DUSP10: variants seen among roughly 807,000 people sequenced by gnomAD.
The protein encoded by DUSP10 is dual specificity phosphatase 10, also known as dual specificity protein phosphatase 10.
Under a neutral mutation model 30.8 loss-of-function variants are expected in DUSP10, and 14 were observed. The ratio of observed to expected loss-of-function variants is 0.46; its 90% CI spans 0.30 to 0.71. The LOEUF is 0.71. Ranked by LOEUF, DUSP10 falls within the 30% of genes least tolerant of loss-of-function variation. The pLI is 0.08. For missense variants in DUSP10, 550 were observed against 619.4 expected (o/e 0.89, Z 1.19); for synonymous variants, 254 against 250.4 (o/e 1.01, Z -0.14).
intron 3 of DUSP10, 112 bp downstream of exon 3, chr1:221,705,983 C>A (rs1660747107): frequency 6.8e-7 from 1 of 1,459,934 alleles, no homozygotes; most frequent in South Asian, 1.4e-5. Context: ...TCCAAAACTC[C>A]AGGGCAGCTT....
chr1:221,711,043 A>C (rs1660920354), intron 2 of DUSP10, among the ~76,000 whole-genome samples: 1 of 152,230 alleles, frequency 6.6e-6, no homozygotes, highest in African/African-American at 2.4e-5. Flanking sequence ...AATGGCAGCA[A>C]CAAAGAATAC....
intron 2 of DUSP10, among the ~76,000 whole-genome samples, chr1:221,719,238 A>C (rs1209014744): frequency 2.0e-5 from 3 of 152,236 alleles, no homozygotes; most frequent in African/African-American, 7.2e-5. Context: ...CACAAAAGGC[A>C]TAGCAACAAC....
chr1:221,741,670 T>C (rs577642144), intron 1 of DUSP10, among the ~76,000 whole-genome samples: 19 of 151,510 alleles, frequency 1.3e-4, no homozygotes, highest in African/African-American at 4.6e-4. Context: ...AGCGCACTAA[T>C]GAGCCCCGAG....
In DUSP10 at chr1:221,701,724, AAAC is replaced by A. The variant is rs1267032178; in HGVS notation, c.*685_*687del. The A allele has an allele frequency of 3.3e-5, 5 of 152,442 alleles. No individual in the cohort carries two copies. Among genetic ancestry groups the A allele is most frequent in the Admixed American group, 2.6e-4 (4 of 15,268 alleles). The allele number at this position is 152,442 out of a possible 1,614,324, so 9.4% of individuals were successfully genotyped here. ...CAGCTCTAACTTGTTTGCACACTTA[AAAC>A]ATCATATTATTGCACAAGAAGCCAG... On this transcript the variant is annotated 3_prime_UTR_variant, in exon 4 of 4. Coordinates refer to ENST00000366899, the MANE Select transcript of DUSP10 (RefSeq NM_007207.6).
intron 3 of DUSP10, among the ~76,000 whole-genome samples, chr1:221,703,131 G>A (rs920756577): frequency 5.3e-5 from 8 of 151,970 alleles, no homozygotes; most frequent in Non-Finnish European, 1.0e-4. Flanking sequence ...AAGGAGAGAG[G>A]AAGGGGAAAA....
rs760706335 is a variant in DUSP10, at chr1:221,739,645, A to G, written c.100T>C (p.Ser34Pro). Residue 34 changes from serine to proline, a missense_variant, in exon 2 of 4, where the codon TCT becomes CCT. Ser to Pro is a moderately conservative substitution (Grantham distance 74, BLOSUM62 -1). Coordinates refer to ENST00000366899, the MANE Select transcript of DUSP10 (RefSeq NM_007207.6). ...NLCLDSSYLG[S>P]ANPGSNSHPP... is the part of the protein sequence containing the mutation. ...TGGCTGTTACTGCCTGGGTTGGCAGAGCCAAGGTAACTAGAGTCTAAACAA... is the reference window on the plus strand; with the variant it reads ...TGGCTGTTACTGCCTGGGTTGGCAGGGCCAAGGTAACTAGAGTCTAAACAA... 1.2e-6 allele frequency: 2 copies of G among 1,614,154 alleles called. No homozygotes were observed. The highest frequency in any genetic ancestry group is 2.2e-5 in the South Asian group (2 of 91,078).
intron 2 of DUSP10, among the ~76,000 whole-genome samples, chr1:221,727,347 A>G (rs1187304666): frequency 1.3e-5 from 2 of 152,226 alleles, no homozygotes; most frequent in Non-Finnish European, 2.9e-5. Flanking sequence ...ATACTAATCC[A>G]AAGGATTATA....
chr1:221,708,178 G>A (rs1441792347), intron 2 of DUSP10, among the ~76,000 whole-genome samples: 1 of 152,194 alleles, frequency 6.6e-6, no homozygotes, highest in Non-Finnish European at 1.5e-5. Flanking sequence ...GATGGCTTGT[G>A]GCTGTCTTGA....
chr1:221,734,592 T>C (rs1043379903), intron 2 of DUSP10, among the ~76,000 whole-genome samples: 2 of 152,168 alleles, frequency 1.3e-5, no homozygotes, highest in Non-Finnish European at 2.9e-5. Flanking sequence ...AACTAACACT[T>C]TGAGATAGCT....
At chr1:221,726,791 C>G (rs1436682030) in intron 2 of DUSP10, among the ~76,000 whole-genome samples, 1 of 151,668 alleles carries the variant, frequency 6.6e-6, no homozygotes, top group African/African-American at 2.4e-5. Context: ...AAAGATCTAC[C>G]AAGCATCAGA....
At chr1:221,721,548 C>T (rs12041033) in intron 2 of DUSP10, among the ~76,000 whole-genome samples, 30 of 152,272 alleles carry the variant, frequency 2.0e-4, no homozygotes, top group African/African-American at 6.7e-4. Flanking sequence ...GGGCTGAGTA[C>T]ACTTATGAGG....
At chr1:221,724,991 C>T (rs1661384819) in intron 2 of DUSP10, among the ~76,000 whole-genome samples, 2 of 152,188 alleles carry the variant, frequency 1.3e-5, no homozygotes, top group South Asian at 4.1e-4. Context: ...TGAGAAAAGA[C>T]ACCCCAAAAG....
chr1:221,731,947 CAT>C (rs1234087614), intron 2 of DUSP10, among the ~76,000 whole-genome samples: 2 of 152,060 alleles, frequency 1.3e-5, no homozygotes, highest in South Asian at 2.1e-4. Flanking sequence ...AAAGTACAAA[CAT>C]GTGCTTCACA....
intron 2 of DUSP10, among the ~76,000 whole-genome samples, chr1:221,720,541 T>C (rs1032229409): frequency 2.6e-5 from 4 of 152,188 alleles, no homozygotes; most frequent in African/African-American, 9.7e-5. Context: ...TACTGATTTA[T>C]AAACAGTGTG....
chr1:221,726,318 T>C (rs532722272), intron 2 of DUSP10, among the ~76,000 whole-genome samples: 1 of 152,302 alleles, frequency 6.6e-6, no homozygotes, highest in South Asian at 2.1e-4. Context: ...GTTTCTCTTG[T>C]CATACCAAAA....
chr1:221,722,167 TTC>T (rs909840904), intron 2 of DUSP10, among the ~76,000 whole-genome samples: 1 of 152,102 alleles, frequency 6.6e-6, no homozygotes, highest in East Asian at 1.9e-4. Flanking sequence ...AACACAGGAG[TTC>T]TCTCTTTTCT....
chr1:221,707,828 GT>G (rs775667641), intron 2 of DUSP10, among the ~76,000 whole-genome samples: 2 of 152,216 alleles, frequency 1.3e-5, no homozygotes, highest in African/African-American at 2.4e-5. Flanking sequence ...TAAAAGCTAA[GT>G]AAAAAACATT....
chr1:221,738,456 G>C (rs1233651611), intron 2 of DUSP10, among the ~76,000 whole-genome samples: 4 of 152,214 alleles, frequency 2.6e-5, no homozygotes, highest in African/African-American at 7.2e-5. Context: ...AGAAAGGTGA[G>C]AAAGAGAAAG....
intron 2 of DUSP10, among the ~76,000 whole-genome samples, chr1:221,727,604 T>C (rs922729427): frequency 2.0e-5 from 3 of 152,200 alleles, no homozygotes; most frequent in Admixed American, 6.5e-5. Flanking sequence ...TGGACTATAA[T>C]TCTGTGGTTT....
Sources: gnomAD v4.1 joint callset for allele counts (sites outside exome capture counted in the v4.1 genomes callset) on GRCh38, gnomAD v4.1.1 for gene constraint, MANE v1.5 for transcripts, NCBI Gene and HGNC (gene_info 2026-07-23, HGNC 2026-07-21) for gene names.